Variants in MECOM observed in about 807,000 individuals in gnomAD.
MECOM encodes histone-lysine N-methyltransferase MECOM.
MECOM carries 13 observed loss-of-function variants against 116.3 expected under a neutral mutation model. The ratio of observed to expected loss-of-function variants is 0.11; its 90% CI spans 0.07 to 0.18. The LOEUF is 0.18. Ranked by LOEUF, MECOM falls within the 10% of genes least tolerant of loss-of-function variation. The pLI is 1.00. For missense variants in MECOM, 1,299 were observed against 1,509.0 expected (o/e 0.86, Z 2.31); for synonymous variants, 528 against 535.2 (o/e 0.99, Z 0.19).
intron 1 of MECOM, among the ~76,000 whole-genome samples, chr3:169,515,943 C>T: frequency 6.6e-6 from 1 of 152,058 alleles, no homozygotes; most frequent in Non-Finnish European, 1.5e-5. Flanking sequence ...AATGCTGAAA[C>T]ATTATGGACA....
At chr3:169,418,492 T>A (rs12632732) in intron 1 of MECOM, among the ~76,000 whole-genome samples, 6,748 of 152,064 alleles carry the variant, frequency 0.044, 462 homozygotes, top group Admixed American at 0.19. Context: ...TCAATGCGAA[T>A]ATCCTCAATA....
intron 1 of MECOM, among the ~76,000 whole-genome samples, chr3:169,434,584 C>G (rs1578091625): frequency 6.6e-6 from 1 of 151,986 alleles, no homozygotes; most frequent in East Asian, 1.9e-4. Flanking sequence ...AAAAAGACAG[C>G]AGATTTATTT....
chr3:169,402,276 A>AGATTGGAATACTGAACAACGAAGT (rs1736028454), intron 1 of MECOM, among the ~76,000 whole-genome samples: 1 of 152,168 alleles, frequency 6.6e-6, no homozygotes, highest in Admixed American at 6.5e-5. Flanking sequence ...GATAGAGAGA[A>AGATTGGAATACTGAACAACGAAGT]GATTGGAATA....
chr3:169,587,597 G>A (rs1354639251), intron 1 of MECOM, among the ~76,000 whole-genome samples: 1 of 152,024 alleles, frequency 6.6e-6, no homozygotes, highest in Non-Finnish European at 1.5e-5. Context: ...AATATTGTTG[G>A]ATCTAATTTT....
chr3:169,635,967 G>A (rs535048432), intron 1 of MECOM, among the ~76,000 whole-genome samples: 148 of 152,202 alleles, frequency 9.7e-4, no homozygotes, highest in Non-Finnish European at 1.9e-3. Context: ...TCTACTGAGA[G>A]ACACCTTGCA....
chr3:169,316,290 C>T (rs1001462665), intron 2 of MECOM, among the ~76,000 whole-genome samples: 3 of 152,228 alleles, frequency 2.0e-5, no homozygotes, highest in Non-Finnish European at 2.9e-5. Flanking sequence ...CACCCTCTCA[C>T]ATCTTGTTAA....
In MECOM at chr3:169,499,032, G is replaced by C. The variant is rs924580273; in HGVS notation, c.38-117508C>G. Among the ~76,000 whole-genome samples the C allele has an allele frequency of 1.1e-4, 17 of 151,982 alleles. No homozygotes were observed. In the East Asian group the frequency reaches 3.3e-3, roughly 29 times the overall value. ...TTACGAAGAAACAATAAATCTCACAGAATGTAAAGAGATAAAGATATTTAA... is the reference window on the plus strand; with the variant it reads ...TTACGAAGAAACAATAAATCTCACACAATGTAAAGAGATAAAGATATTTAA... On this transcript the variant is annotated intron_variant, in intron 1 of 16. Transcript: ENST00000651503.
intron 1 of MECOM, among the ~76,000 whole-genome samples, chr3:169,625,816 C>A (rs1365917245): frequency 6.6e-6 from 1 of 152,154 alleles, no homozygotes; most frequent in Non-Finnish European, 1.5e-5. Flanking sequence ...AATCTCAAGA[C>A]AATTGACCAG....
intron 1 of MECOM, among the ~76,000 whole-genome samples, chr3:169,394,280 T>G (rs1281013265): frequency 1.3e-5 from 2 of 152,158 alleles, no homozygotes; most frequent in African/African-American, 2.4e-5. Context: ...AAAGTGAAAT[T>G]GCTGATTTCA....
intron 5 of MECOM, among the ~76,000 whole-genome samples, chr3:169,124,031 C>T (rs532582947): frequency 2.6e-5 from 4 of 152,128 alleles, no homozygotes; most frequent in East Asian, 1.9e-4. Context: ...AGGTTCTCTA[C>T]GCGAAATTAA....
Position 169,236,793 on chromosome 3 carries a change from C to A in MECOM, c.376-92961G>T, listed in dbSNP as rs538961959. Reference sequence around the variant, plus strand: ...GCACGTTATTATTAATTGTGAATTCCAAGGTTAAGAACCTTTGACTTTGTG... The same window carrying A: ...GCACGTTATTATTAATTGTGAATTCAAAGGTTAAGAACCTTTGACTTTGTG... On this transcript the variant is annotated intron_variant, in intron 2 of 16. Coordinates refer to ENST00000651503, the MANE Select transcript of MECOM (RefSeq NM_004991.4). Among the ~76,000 whole-genome samples, 7 of 152,234 alleles carry A rather than the reference C, an allele frequency of 4.6e-5. No homozygotes were observed. The South Asian group carries it at 1.2e-3, about 27-fold the overall frequency.
intron 1 of MECOM, among the ~76,000 whole-genome samples, chr3:169,458,082 A>G (rs1014402416): frequency 6.6e-6 from 1 of 152,250 alleles, no homozygotes; most frequent in Non-Finnish European, 1.5e-5. Flanking sequence ...AATGGATGAT[A>G]GGATAATTGA....
At position 169,161,781 on chromosome 3, in the gene MECOM, GTC is replaced by G. The variant is rs58350630; in HGVS notation, c.376-17951_376-17950del. Among the ~76,000 whole-genome samples, 1,298 of 150,032 alleles carry G rather than the reference GTC, an allele frequency of 8.7e-3. 23 individuals carry two copies. Among genetic ancestry groups the G allele is most frequent in the African/African-American group, 0.029 (1,178 of 41,000 alleles). ...TGAAATTTGATTATAAAAAAGAAGAGTCTCTCTCTCTCTCTCTCTCCCTGTCA... is the reference window on the plus strand; with the variant it reads ...TGAAATTTGATTATAAAAAAGAAGAGTCTCTCTCTCTCTCTCTCCCTGTCA... On this transcript the variant is annotated intron_variant, in intron 2 of 16. Coordinates refer to ENST00000651503, the MANE Select transcript of MECOM (RefSeq NM_004991.4).
Position 169,381,403 on chromosome 3 carries a change from A to G in MECOM, c.159T>C (p.Ser53=), listed in dbSNP as rs925941457. 1.9e-6 allele frequency: 3 copies of G among 1,613,774 alleles called. No individual in the cohort carries two copies. The African/African-American group carries it at 4.0e-5, about 22-fold the overall frequency. Residue 53 remains serine, a synonymous_variant, in exon 2 of 17, where the codon AGT becomes AGC. Transcript: ENST00000651503. ...IQEPCSPATS[S]EAFTPKEGSP... ...AACCCTCCTTTGGAGTGAATGCTTCACTGGATGTGGCAGGAGAGCATGGCT... is the reference window on the plus strand; with the variant it reads ...AACCCTCCTTTGGAGTGAATGCTTCGCTGGATGTGGCAGGAGAGCATGGCT...
intron 1 of MECOM, among the ~76,000 whole-genome samples, chr3:169,465,152 T>G (rs1274629465): frequency 6.6e-6 from 1 of 152,164 alleles, no homozygotes; most frequent in East Asian, 1.9e-4. Flanking sequence ...CTCTGATGTT[T>G]TAAGTTCTTC....
chr3:169,567,598 A>G (rs1576915469), intron 1 of MECOM, among the ~76,000 whole-genome samples: 1 of 152,204 alleles, frequency 6.6e-6, no homozygotes, highest in Non-Finnish European at 1.5e-5. Context: ...ATTGAGGCAC[A>G]GAAGTATGAA....
intron 1 of MECOM, among the ~76,000 whole-genome samples, chr3:169,399,116 G>A (rs774454024): frequency 1.3e-5 from 2 of 151,954 alleles, no homozygotes; most frequent in South Asian, 2.1e-4. Flanking sequence ...CCATCTCCTC[G>A]TTTTGATTTC....
At chr3:169,490,292 T>G (rs1478106871) in intron 1 of MECOM, among the ~76,000 whole-genome samples, 1 of 152,108 alleles carries the variant, frequency 6.6e-6, no homozygotes, top group Non-Finnish European at 1.5e-5. Context: ...TGTTATTAGG[T>G]GGCAAAGTTA....
chr3:169,165,894 T>C (rs867357744), intron 2 of MECOM, among the ~76,000 whole-genome samples: 1 of 152,174 alleles, frequency 6.6e-6, no homozygotes, highest in Non-Finnish European at 1.5e-5. Context: ...AAAACATAGC[T>C]AAGTAAAATG....
Sources: gnomAD v4.1 joint callset for allele counts (sites outside exome capture counted in the v4.1 genomes callset) on GRCh38, gnomAD v4.1.1 for gene constraint, MANE v1.5 for transcripts, NCBI Gene and HGNC (gene_info 2026-07-23, HGNC 2026-07-21) for gene names.